Variants in RNGTT observed in about 807,000 individuals in gnomAD.
RNGTT encodes mRNA-capping enzyme.
In RNGTT, 33 loss-of-function variants were observed where a neutral mutation model predicts 79.3. The observed-to-expected ratio is 0.42, with a 90% CI of 0.32 to 0.56. RNGTT has a LOEUF of 0.56. RNGTT is among the 20% of genes least tolerant of loss of function. RNGTT has a pLI of 0.17. For missense variants in RNGTT, 497 were observed against 739.1 expected, an observed-to-expected ratio of 0.67 and a Z score of 3.80; for synonymous variants, 222 against 235.9, an observed-to-expected ratio of 0.94 and a Z score of 0.54.
intron 4 of RNGTT, among the ~76,000 whole-genome samples, chr6:88,925,594 TAAA>T (rs35542749): frequency 8.9e-6 from 1 of 111,898 alleles, no homozygotes; most frequent in East Asian, 2.9e-4. Flanking sequence ...CCTTACCTCA[TAAA>T]AAAAAAAAAA....
chr6:88,633,820 C>T (rs910728278), intron 14 of RNGTT, among the ~76,000 whole-genome samples: 3 of 152,082 alleles, frequency 2.0e-5, no homozygotes, highest in African/African-American at 7.2e-5. Flanking sequence ...TCCCTTAAAA[C>T]CATGCTGCCA....
At chr6:88,854,231 A>G (rs1781770078) in intron 8 of RNGTT, among the ~76,000 whole-genome samples, 1 of 152,122 alleles carries the variant, frequency 6.6e-6, no homozygotes, top group African/African-American at 2.4e-5. Flanking sequence ...CGCCTAGTCC[A>G]CAAATAATAA....
intron 13 of RNGTT, among the ~76,000 whole-genome samples, chr6:88,739,772 T>TAG: frequency 8.2e-6 from 1 of 121,452 alleles, no homozygotes; most frequent in Non-Finnish European, 1.7e-5. Flanking sequence ...TATATATATA[T>TAG]ATATATGTTA....
At chr6:88,696,617 C>CACACACAT (rs1775681033) in intron 13 of RNGTT, among the ~76,000 whole-genome samples, 4 of 151,970 alleles carry the variant, frequency 2.6e-5, no homozygotes, top group Non-Finnish European at 5.9e-5. Context: ...CACACACACA[C>CACACACAT]ACACACACAC....
At chr6:88,937,379 A>G (rs1241915149) in intron 2 of RNGTT, among the ~76,000 whole-genome samples, 1 of 151,776 alleles carries the variant, frequency 6.6e-6, no homozygotes, top group Non-Finnish European at 1.5e-5. Flanking sequence ...GATCTTTTGT[A>G]TTTCTGTGGT....
chr6:88,818,048 C>T (rs1162268072), intron 11 of RNGTT, among the ~76,000 whole-genome samples: 4 of 151,782 alleles, frequency 2.6e-5, no homozygotes, highest in Non-Finnish European at 5.9e-5. Flanking sequence ...CGTGAGCCAC[C>T]GCGCCCGGCC....
chr6:88,874,225 A>G (rs1782444672), intron 8 of RNGTT, among the ~76,000 whole-genome samples: 1 of 152,146 alleles, frequency 6.6e-6, no homozygotes, highest in Non-Finnish European at 1.5e-5. Flanking sequence ...AAAATACAGC[A>G]TTCTTTTAAG....
At chr6:88,628,648 A>C (rs567167264) in intron 14 of RNGTT, among the ~76,000 whole-genome samples, 16 of 152,266 alleles carry the variant, frequency 1.1e-4, no homozygotes, top group Admixed American at 9.8e-4. Flanking sequence ...TTTATTAACT[A>C]CCTGTGATGT....
intron 1 of RNGTT, among the ~76,000 whole-genome samples, chr6:88,951,566 C>A: frequency 6.6e-6 from 1 of 152,294 alleles, no homozygotes; most frequent in Non-Finnish European, 1.5e-5. Flanking sequence ...GTAAATTCCA[C>A]GAGACAGGCG....
chr6:88,751,265 A>G (rs1446820068), intron 13 of RNGTT, among the ~76,000 whole-genome samples: 3 of 152,262 alleles, frequency 2.0e-5, no homozygotes, highest in Non-Finnish European at 2.9e-5. Flanking sequence ...AGACCATGTG[A>G]TATGGTCTAT....
chr6:88,738,403 A>G (rs1336091204), intron 13 of RNGTT, among the ~76,000 whole-genome samples: 1 of 152,210 alleles, frequency 6.6e-6, no homozygotes, highest in African/African-American at 2.4e-5. Flanking sequence ...GTAAAAACTA[A>G]GGAAATCTGA....
At chr6:88,876,567 C>T (rs1030129669) in intron 8 of RNGTT, among the ~76,000 whole-genome samples, 3 of 152,162 alleles carry the variant, frequency 2.0e-5, no homozygotes, top group African/African-American at 7.2e-5. Flanking sequence ...ACCTGCTAAG[C>T]CTATCATAGC....
intron 12 of RNGTT, among the ~76,000 whole-genome samples, chr6:88,795,774 T>G (rs904018189): frequency 2.6e-5 from 4 of 151,362 alleles, no homozygotes; most frequent in Non-Finnish European, 4.4e-5. Flanking sequence ...GGGAAGAACA[T>G]AAAAATAAAA....
intron 14 of RNGTT, among the ~76,000 whole-genome samples, chr6:88,676,509 T>C (rs1774882017): frequency 6.6e-6 from 1 of 152,188 alleles, no homozygotes; most frequent in Non-Finnish European, 1.5e-5. Context: ...GAAAAATCTT[T>C]GTGACTTTGG....
chr6:88,826,799 A>AATATAT (rs1216141788), intron 11 of RNGTT, among the ~76,000 whole-genome samples: 3 of 126,954 alleles, frequency 2.4e-5, no homozygotes, highest in Admixed American at 8.6e-5. Flanking sequence ...AAAAAAAAAA[A>AATATAT]ATATATATAT....
At chr6:88,664,039 A>T (rs1294578517) in intron 14 of RNGTT, among the ~76,000 whole-genome samples, 1 of 152,172 alleles carries the variant, frequency 6.6e-6, no homozygotes, top group Admixed American at 6.5e-5. Flanking sequence ...TCGAGGTAGC[A>T]ACTAAGTGGC....
chr6:88,767,562 T>C (rs1302291496), intron 13 of RNGTT, among the ~76,000 whole-genome samples: 2 of 151,466 alleles, frequency 1.3e-5, no homozygotes, highest in African/African-American at 2.4e-5. Flanking sequence ...CTATACTCTT[T>C]AACCAAATAC....
At chr6:88,844,127 A>G (rs962805862) in intron 11 of RNGTT, among the ~76,000 whole-genome samples, 3 of 152,080 alleles carry the variant, frequency 2.0e-5, no homozygotes, top group Middle Eastern at 3.2e-3. Flanking sequence ...AACAAAAACT[A>G]TTATGAGAAA....
chr6:88,915,187 G>A (rs1351330454), intron 4 of RNGTT, among the ~76,000 whole-genome samples: 1 of 152,166 alleles, frequency 6.6e-6, no homozygotes, highest in East Asian at 1.9e-4. Context: ...AGTTAGTTTA[G>A]TCACTGTGGA....
Sources: gnomAD v4.1 joint callset for allele counts (sites outside exome capture counted in the v4.1 genomes callset) on GRCh38, gnomAD v4.1.1 for gene constraint, MANE v1.5 for transcripts, NCBI Gene and HGNC (gene_info 2026-07-23, HGNC 2026-07-21) for gene names.